Variants in PCDHGA6 observed in about 807,000 individuals in gnomAD.
PCDHGA6 encodes protocadherin gamma subfamily A, 6, also known as protocadherin gamma-A6.
Under a neutral mutation model 60.6 loss-of-function variants are expected in PCDHGA6, and 41 were observed. The ratio of observed to expected loss-of-function variants is 0.68; its 90% CI spans 0.53 to 0.88. PCDHGA6 has a LOEUF of 0.88. Ranked by LOEUF, PCDHGA6 falls within the 40% of genes least tolerant of loss-of-function variation. PCDHGA6 has a pLI of 0.00. For missense variants in PCDHGA6, 1,312 were observed against 1,203.0 expected, an observed-to-expected ratio of 1.09 and a Z score of -1.34; for synonymous variants, 594 against 524.4, an observed-to-expected ratio of 1.13 and a Z score of -1.81.
Position 141,476,160 on chromosome 5 carries a change from G to A in PCDHGA6, c.2425-18647G>A, listed in dbSNP as rs781765205. 4.3e-6 allele frequency: 7 copies of A among 1,612,858 alleles called. No homozygotes were observed. The highest frequency in any genetic ancestry group is 5.9e-6 in the Non-Finnish European group (7 of 1,179,926). On this transcript the variant is annotated intron_variant, in intron 1 of 3. Coordinates refer to ENST00000517434, the MANE Select transcript of PCDHGA6 (RefSeq NM_018919.3). This position sits in a 1 kb window ranked among gnomAD's most constrained non-coding sequence, Gnocchi z 7.6. ...AGGAGCGGACTGGTAAGCACCGGGA[G>A]GGTAGTGGGAGTTTTGCTTCTGCTT...
At chr5:141,428,333 T>A in intron 1 of PCDHGA6, 1 of 618,518 alleles carries the variant, frequency 1.6e-6, no homozygotes, top group Non-Finnish European at 2.9e-6. Context: ...ATTTCTATGC[T>A]CTTCTTCCTC....
rs200646513 is a variant in PCDHGA6, at chr5:141,421,389, G to A, written c.2424+44882G>A. ...TGGGCAATATCTCCAAGGACCTGGG[G>A]CTGGAGCCCCGGGAGCTGGCGAAGC... On this transcript the variant is annotated intron_variant, in intron 1 of 3. Coordinates refer to ENST00000517434, the MANE Select transcript of PCDHGA6 (RefSeq NM_018919.3). The A allele has an allele frequency of 1.7e-3, 2,771 of 1,614,052 alleles. 5 individuals carry two copies. The highest frequency in any genetic ancestry group is 2.2e-3 in the Non-Finnish European group (2,560 of 1,179,918).
rs369323252 is a variant in PCDHGA6 at position 141,487,658 on chromosome 5, G to T, written c.2425-7149G>T. ...TCAACAAATGCTTGAGGGTTATTCT[G>T]ATCCAGGCATATGGCTAGGCCATGT... On this transcript the variant is annotated intron_variant, in intron 1 of 3. Coordinates refer to ENST00000517434, the MANE Select transcript of PCDHGA6 (RefSeq NM_018919.3). This position sits in a 1 kb window ranked among gnomAD's most constrained non-coding sequence, Gnocchi z 5.0. The T allele has an allele frequency of 8.7e-5, 140 of 1,613,508 alleles. No individual in the cohort carries two copies. The highest frequency in any genetic ancestry group is 1.1e-4 in the Non-Finnish European group (134 of 1,179,802).
chr5:141,381,354 G>T (rs1163041754), intron 1 of PCDHGA6, among the ~76,000 whole-genome samples: 1 of 152,202 alleles, frequency 6.6e-6, no homozygotes, highest in Admixed American at 6.5e-5. Context: ...CTTTCTGCTA[G>T]CAGAGGGTAG....
chr5:141,394,701 C>T lies in PCDHGA6; in HGVS notation c.2424+18194C>T, dbSNP rs375281416. Reference sequence around the variant, plus strand: ...GCACACGGGCGAGGTGCGCACGGCGCGAGCCCTGCTGGACAGAGATGCGCT... The same window carrying T: ...GCACACGGGCGAGGTGCGCACGGCGTGAGCCCTGCTGGACAGAGATGCGCT... On this transcript the variant is annotated intron_variant, in intron 1 of 3. Coordinates refer to ENST00000517434, the MANE Select transcript of PCDHGA6 (RefSeq NM_018919.3). The T allele has an allele frequency of 1.0e-4, 163 of 1,613,044 alleles. 1 individual carries two copies. The highest frequency in any genetic ancestry group is 1.3e-4 in the Non-Finnish European group (159 of 1,179,888).
chr5:141,424,140 C>A, intron 1 of PCDHGA6: 1 of 356,082 alleles, frequency 2.8e-6, no homozygotes, highest in Non-Finnish European at 4.1e-6. Flanking sequence ...TAATAGCATG[C>A]TCCCTCTAGC....
At position 141,490,108 on chromosome 5, in the gene PCDHGA6, C is replaced by T. The variant is rs566655929; in HGVS notation, c.2425-4699C>T. 1.4e-5 allele frequency: 22 copies of T among 1,614,244 alleles called. No individual in the cohort carries two copies. Among genetic ancestry groups the T allele is most frequent in the South Asian group, 5.5e-5 (5 of 91,090 alleles). The stretch of plus-strand genomic sequence containing the variant: ...TGGAGACCACACATCTGAGGCAGTG[C>T]GGAACCTCTTTGGCCTAGACCCTAG... On this transcript the variant is annotated intron_variant, in intron 1 of 3. Coordinates refer to ENST00000517434, the MANE Select transcript of PCDHGA6 (RefSeq NM_018919.3). This position sits in a 1 kb window ranked among gnomAD's most constrained non-coding sequence, Gnocchi z 5.4.
rs2099613082 is a variant in PCDHGA6, at chr5:141,485,421, C to T, written c.2425-9386C>T. ...TTCCGTGTGGATTTGGACAGCGGAG[C>T]CCTGCTCATCAAGAACCCAATCGAC... On this transcript the variant is annotated intron_variant, in intron 1 of 3. Coordinates refer to ENST00000517434, the MANE Select transcript of PCDHGA6 (RefSeq NM_018919.3). The surrounding 1 kb of genome is among the most constrained non-coding windows in gnomAD (Gnocchi z 5.7). The T allele has an allele frequency of 6.2e-7, 1 of 1,614,112 alleles. No individual in the cohort carries two copies. Among genetic ancestry groups the T allele is most frequent in the Non-Finnish European group, 8.5e-7 (1 of 1,180,010 alleles).
At chr5:141,382,813 T>A in intron 1 of PCDHGA6, 1 of 1,218,620 alleles carries the variant, frequency 8.2e-7, no homozygotes, top group East Asian at 2.4e-5. Flanking sequence ...GAGCTCCCCT[T>A]CCTAAGACAG....
chr5:141,403,634 A>C, intron 1 of PCDHGA6: 1 of 1,613,920 alleles, frequency 6.2e-7, no homozygotes, highest in Non-Finnish European at 8.5e-7. Context: ...CACAGTGCGC[A>C]TCCATGTGAC....
chr5:141,432,717 C>T lies in PCDHGA6; in HGVS notation c.2424+56210C>T. On this transcript the variant is annotated intron_variant, in intron 1 of 3. Transcript: ENST00000517434. The surrounding 1 kb of genome is among the most constrained non-coding windows in gnomAD (Gnocchi z 6.0). ...GCCGTCCAGGACCACGGCCAGCCCC[C>T]TCTCTCCGCCACTGTCACGCTCACC... 1 of 1,614,030 alleles carries T rather than the reference C, an allele frequency of 6.2e-7. No individual in the cohort carries two copies. Among genetic ancestry groups the T allele is most frequent in the Non-Finnish European group, 8.5e-7 (1 of 1,179,978 alleles).
At chr5:141,421,429 G>T in intron 1 of PCDHGA6, 1 of 1,614,090 alleles carries the variant, frequency 6.2e-7, no homozygotes, top group Non-Finnish European at 8.5e-7. Flanking sequence ...AGTCCGCATC[G>T]TCTCCAGAGG....
At position 141,421,063 on chromosome 5, in the gene PCDHGA6, G is replaced by A. The variant is rs575695102; in HGVS notation, c.2424+44556G>A. 4.7e-4 allele frequency: 274 copies of A among 581,982 alleles called. 4 individuals are homozygous for A. The South Asian group carries it at 6.4e-3, about 14-fold the overall frequency. 36.1% of individuals were successfully genotyped at this position (581,982 alleles called of 1,614,324 possible). On this transcript the variant is annotated intron_variant, in intron 1 of 3. Transcript: ENST00000517434. ...CTCCCCCGCCTCTACCACACAAAGC[G>A]GAATGAGATGGATACTCACAGATCC... is the stretch of plus-strand genomic sequence containing the variant.
chr5:141,463,208 C>G (rs895284460), intron 1 of PCDHGA6, among the ~76,000 whole-genome samples: 1 of 152,090 alleles, frequency 6.6e-6, no homozygotes, highest in African/African-American at 2.4e-5. Flanking sequence ...CTTGGGGATC[C>G]ATATTAATAT....
intron 2 of PCDHGA6, among the ~76,000 whole-genome samples, chr5:141,499,829 G>A (rs1322405697): frequency 6.6e-6 from 1 of 151,548 alleles, no homozygotes; most frequent in African/African-American, 2.4e-5. Context: ...TAGGATTACA[G>A]GTGTGCACCA....
chr5:141,398,812 C>A, intron 1 of PCDHGA6: 1 of 1,613,942 alleles, frequency 6.2e-7, no homozygotes, highest in South Asian at 1.1e-5. Context: ...CACTGAGCTC[C>A]GGATCCAGGT....
chr5:141,418,945 A>G, intron 1 of PCDHGA6: 3 of 1,614,062 alleles, frequency 1.9e-6, no homozygotes, highest in Non-Finnish European at 2.5e-6. Flanking sequence ...ATTCCCCTCC[A>G]GGAGTGGTTG....
chr5:141,477,573 C>T lies in PCDHGA6; in HGVS notation c.2425-17234C>T, dbSNP rs1593790046. The T allele has an allele frequency of 6.2e-7, 1 of 1,614,056 alleles. No individual in the cohort carries two copies. Among genetic ancestry groups the T allele is most frequent in the South Asian group, 1.1e-5 (1 of 91,086 alleles). ...AACCTAAGTGTCTGGGACCCCGACGCCCCGCAGAATGCTCGGCTTTCTTTC... is the reference window on the plus strand; with the variant it reads ...AACCTAAGTGTCTGGGACCCCGACGTCCCGCAGAATGCTCGGCTTTCTTTC... On this transcript the variant is annotated intron_variant, in intron 1 of 3. Coordinates refer to ENST00000517434, the MANE Select transcript of PCDHGA6 (RefSeq NM_018919.3). This position sits in a 1 kb window ranked among gnomAD's most constrained non-coding sequence, Gnocchi z 4.9.
At position 141,415,039 on chromosome 5, in the gene PCDHGA6, G is replaced by T. The variant is rs761101620; in HGVS notation, c.2424+38532G>T. ...CAAGGCCAGCGAGCCGGGACTCTTC[G>T]CGGTGGGGGAGCACACGGGCGAGGT... On this transcript the variant is annotated intron_variant, in intron 1 of 3. Transcript: ENST00000517434. The T allele has an allele frequency of 3.1e-6, 5 of 1,613,342 alleles. No homozygotes were observed. The highest frequency in any genetic ancestry group is 3.4e-6 in the Non-Finnish European group (4 of 1,179,934).
Sources: allele counts gnomAD v4.1 joint callset (sites outside exome capture counted in the v4.1 genomes callset), GRCh38; gene constraint gnomAD v4.1.1; non-coding constraint Gnocchi (gnomAD v3.1); transcripts MANE v1.5; gene names NCBI Gene and HGNC (gene_info 2026-07-23, HGNC 2026-07-21).